The following DCUN1D2 variants were observed in gnomAD, a reference collection of about 807,000 sequenced individuals.
DCUN1D2 encodes the protein defective in cullin neddylation 1 domain containing 2, also known as DCN1-like protein 2.
A neutral mutation model predicts 30.9 loss-of-function variants in DCUN1D2; 29 were observed. That is an observed-to-expected ratio of 0.94 (90% CI 0.70 to 1.28). The LOEUF (loss-of-function observed/expected upper bound fraction) is 1.28. Ranked by LOEUF, DCUN1D2 falls within the 50% of genes most tolerant of loss-of-function variation. DCUN1D2 has a pLI of 0.00. For missense variants in DCUN1D2, 325 were observed against 316.9 expected, an observed-to-expected ratio of 1.03 and a Z score of -0.19; for synonymous variants, 121 against 115.3, an observed-to-expected ratio of 1.05 and a Z score of -0.32.
At chr13:113,480,197 A>G (rs537217830) in intron 3 of DCUN1D2, among the ~76,000 whole-genome samples, 219 of 152,334 alleles carry the variant, frequency 1.4e-3, no homozygotes, top group Admixed American at 2.9e-3. Context: ...AAAAACCAAA[A>G]TGACATCTTA....
chr13:113,460,930 T>G, intron 5 of DCUN1D2, 124 bp downstream of exon 5: 1 of 613,664 alleles, frequency 1.6e-6, no homozygotes, highest in Non-Finnish European at 2.8e-6. Context: ...CGGATCTTTG[T>G]GTGGGATGTT....
intron 4 of DCUN1D2, among the ~76,000 whole-genome samples, chr13:113,471,758 A>G (rs569013331): frequency 6.6e-6 from 1 of 152,322 alleles, no homozygotes; most frequent in African/African-American, 2.4e-5. Context: ...CACACTTAAG[A>G]CATTCAAAGG....
At chr13:113,479,873 CAGT>C (rs1489520305) in intron 3 of DCUN1D2, among the ~76,000 whole-genome samples, 1 of 152,192 alleles carries the variant, frequency 6.6e-6, no homozygotes, top group Admixed American at 6.5e-5. Context: ...ACTGGCAGTG[CAGT>C]AGGTTTGTCT....
intron 3 of DCUN1D2, 91 bp downstream of exon 3, chr13:113,480,484 G>A: frequency 1.1e-5 from 15 of 1,352,938 alleles, no homozygotes; most frequent in Non-Finnish European, 1.4e-5. Flanking sequence ...AAAATAAGCA[G>A]ATATGAAATT....
At chr13:113,466,921 C>G (rs1453229245) in intron 4 of DCUN1D2, among the ~76,000 whole-genome samples, 1 of 151,794 alleles carries the variant, frequency 6.6e-6, no homozygotes. Context: ...ATTCTCCTGC[C>G]TCAGCCTCCT....
chr13:113,480,680 A>G lies in DCUN1D2; in HGVS notation c.284T>C (p.Leu95Pro). 6.2e-7 allele frequency: 1 copy of G among 1,614,170 alleles called. No individual in the cohort carries two copies. Among genetic ancestry groups the G allele is most frequent in the Non-Finnish European group, 8.5e-7 (1 of 1,180,004 alleles). Residue 95 changes from leucine (L) to proline (P), a missense_variant, in exon 3 of 7, where the codon CTG (leucine) becomes CCG (proline). By Grantham distance (98) the Leu-to-Pro change is moderately conservative. Transcript: ENST00000478244. ...CAATACACTGATACTGGCAGGATCCAGGCTCAGATCATCACAAAACTGTTG... is the reference window on the plus strand; with the variant it reads ...CAATACACTGATACTGGCAGGATCCGGGCTCAGATCATCACAAAACTGTTG... ...GIQQFCDDLS[L>P]DPASISVLVI... is the part of the protein sequence containing the mutation.
At chr13:113,464,616 G>C (rs1307005478) in intron 4 of DCUN1D2, among the ~76,000 whole-genome samples, 1 of 152,266 alleles carries the variant, frequency 6.6e-6, no homozygotes, top group African/African-American at 2.4e-5. Context: ...GTTGCTGCGG[G>C]GGACACGGCA....
At chr13:113,481,611 C>T (rs2044708696) in intron 2 of DCUN1D2, among the ~76,000 whole-genome samples, 1 of 152,162 alleles carries the variant, frequency 6.6e-6, no homozygotes, top group Non-Finnish European at 1.5e-5. Context: ...TGGCTGGGCA[C>T]GGTGGCTCAC....
chr13:113,479,729 C>T (rs1319519546), intron 3 of DCUN1D2, among the ~76,000 whole-genome samples: 1 of 150,664 alleles, frequency 6.6e-6, no homozygotes, highest in Non-Finnish European at 1.5e-5. Flanking sequence ...TCTCAAAAAA[C>T]AAACAAACAA....
chr13:113,462,787 G>A, intron 4 of DCUN1D2: 1 of 1,153,880 alleles, frequency 8.7e-7, no homozygotes, highest in Non-Finnish European at 1.1e-6. Context: ...GTCTTGTCCT[G>A]CTTATAAGTC....
chr13:113,457,823 C>A lies in DCUN1D2; in HGVS notation c.*206G>T. ...GCTATGATGACAAATCTCCAAACAT[C>A]CCAAAGCAGCCGTGTCCCGAGGAAC... On this transcript the variant is annotated 3_prime_UTR_variant, in exon 7 of 7. Coordinates refer to ENST00000478244, the MANE Select transcript of DCUN1D2 (RefSeq NM_001014283.2). The A allele has an allele frequency of 1.7e-6, 1 of 572,520 alleles. No individual in the cohort carries two copies. Among genetic ancestry groups the A allele is most frequent in the Non-Finnish European group, 3.2e-6 (1 of 317,118 alleles). The allele number at this position is 572,520 out of a possible 1,614,324, so 35.5% of individuals were successfully genotyped here. A position where few individuals can be genotyped will look rare whatever the true frequency, so the allele number is the denominator to read the frequency against.
intron 3 of DCUN1D2, 31 bp from the exon 4 acceptor site, chr13:113,474,285 G>A (rs1004753286): frequency 6.2e-7 from 1 of 1,609,766 alleles, no homozygotes; most frequent in South Asian, 1.1e-5. Flanking sequence ...TTGTCTTGCA[G>A]CAGATGCGCC....
In DCUN1D2 at chr13:113,490,526, G is replaced by A. The variant is rs900548422; in HGVS notation, c.3+141C>T. ...GCTCCGGCTCGCGGGCCCGCGGCGC[G>A]TTCCTCCCTCGGATCCACGCGGAAC... On this transcript the variant is annotated intron_variant, in intron 1 of 6. Coordinates refer to ENST00000478244, the MANE Select transcript of DCUN1D2 (RefSeq NM_001014283.2). The surrounding 1 kb of genome is among the most constrained non-coding windows in gnomAD (Gnocchi z 5.2). The A allele has an allele frequency of 2.4e-5, 22 of 914,540 alleles. No homozygotes were observed. Among genetic ancestry groups the A allele is most frequent in the South Asian group, 3.0e-5 (1 of 33,514 alleles). The allele number at this position is 914,540 out of a possible 1,614,324, so 56.7% of individuals were successfully genotyped here.
intron 4 of DCUN1D2, among the ~76,000 whole-genome samples, chr13:113,462,375 T>C (rs2044332852): frequency 6.6e-6 from 1 of 152,176 alleles, no homozygotes; most frequent in Non-Finnish European, 1.5e-5. Context: ...GTTATATTTA[T>C]GTAAGATTAA....
In DCUN1D2 at chr13:113,456,472, C is replaced by T. The variant is rs565541418; in HGVS notation, c.*1557G>A. On this transcript the variant is annotated 3_prime_UTR_variant, in exon 7 of 7. Transcript: ENST00000478244. ...TTGTCTGGGCCATGCTCTCTCACAC[C>T]GCAGCTAGGTCATCTGCGGCGACTC... 1.5e-5 allele frequency: 6 copies of T among 398,354 alleles called. No homozygotes were observed. Among genetic ancestry groups the T allele is most frequent in the Admixed American group, 4.4e-5 (1 of 22,734 alleles). 24.7% of individuals were successfully genotyped at this position (398,354 alleles called of 1,614,324 possible).
rs191211094 is a variant in DCUN1D2, at chr13:113,465,024, C to T, written c.521-3888G>A. Among the ~76,000 whole-genome samples the T allele has an allele frequency of 1.2e-4, 19 of 152,336 alleles. No individual in the cohort carries two copies. The East Asian group carries it at 2.9e-3, about 23-fold the overall frequency. On this transcript the variant is annotated intron_variant, in intron 4 of 6. Transcript: ENST00000478244. Reference sequence around the variant, plus strand: ...TAAAAATTCTTAAAGATAATACCTACATATGACAGTCAGATAAAATGCTAA... The same window carrying T: ...TAAAAATTCTTAAAGATAATACCTATATATGACAGTCAGATAAAATGCTAA...
In DCUN1D2 at chr13:113,456,182, G is replaced by A; in HGVS notation, c.*1847C>T. 5.0e-6 allele frequency: 2 copies of A among 398,588 alleles called. No individual in the cohort carries two copies. The highest frequency in any genetic ancestry group is 8.8e-6 in the Non-Finnish European group (2 of 226,062). The allele number at this position is 398,588 out of a possible 1,614,324, so 24.7% of individuals were successfully genotyped here. On this transcript the variant is annotated 3_prime_UTR_variant, in exon 7 of 7. Transcript: ENST00000478244. Reference sequence around the variant, plus strand: ...ATCGAAGACTTCTAAAGGTAGACAGGCCCAGTTTCCCATTAGAGTTCTGGA... The same window carrying A: ...ATCGAAGACTTCTAAAGGTAGACAGACCCAGTTTCCCATTAGAGTTCTGGA...
At chr13:113,478,538 TTC>T (rs2044655754) in intron 3 of DCUN1D2, among the ~76,000 whole-genome samples, 2 of 152,186 alleles carry the variant, frequency 1.3e-5, no homozygotes, top group Non-Finnish European at 2.9e-5. Flanking sequence ...TCCTTCTATA[TTC>T]TTTTTCTATT....
At chr13:113,463,289 G>A (rs1175931931) in intron 4 of DCUN1D2, among the ~76,000 whole-genome samples, 2 of 152,172 alleles carry the variant, frequency 1.3e-5, no homozygotes, top group African/African-American at 2.4e-5. Flanking sequence ...TCATGCTTGT[G>A]ATGCTCCACT....
Sources: gnomAD v4.1 joint callset for allele counts (sites outside exome capture counted in the v4.1 genomes callset) on GRCh38, gnomAD v4.1.1 for gene constraint, Gnocchi (gnomAD v3.1) non-coding constraint, MANE v1.5 for transcripts, NCBI Gene and HGNC (gene_info 2026-07-23, HGNC 2026-07-21) for gene names.